The following ING5 variants were observed in gnomAD, a reference collection of about 807,000 sequenced individuals.
ING5 encodes inhibitor of growth family member 5.
Under a neutral mutation model 37.4 loss-of-function variants are expected in ING5, and 17 were observed. The observed-to-expected ratio is 0.45, with a 90% CI of 0.31 to 0.68. The LOEUF is 0.68. Ranked by LOEUF, ING5 falls within the 30% of genes least tolerant of loss-of-function variation. The pLI is 0.05. For synonymous variants in ING5, 123 were observed against 116.6 expected, an observed-to-expected ratio of 1.06 and a Z score of -0.36; for missense variants, 233 against 311.9, an observed-to-expected ratio of 0.75 and a Z score of 1.91.
At chr2:241,713,130 C>A (rs192173174) in intron 5 of ING5, among the ~76,000 whole-genome samples, 1 of 150,044 alleles carries the variant, frequency 6.7e-6, no homozygotes, top group Non-Finnish European at 1.5e-5. Context: ...CATCTCGGCT[C>A]ACTGCAACCT....
intron 1 of ING5, among the ~76,000 whole-genome samples, chr2:241,704,054 G>A (rs907067820): frequency 6.6e-6 from 1 of 152,148 alleles, no homozygotes; most frequent in African/African-American, 2.4e-5. Context: ...TGCTCACTGA[G>A]GGGGGGCAGC....
Position 241,725,463 on chromosome 2 carries a change from G to A in ING5, c.*432G>A. The A allele has an allele frequency of 6.4e-6, 1 of 155,362 alleles. No homozygotes were observed. The highest frequency in any genetic ancestry group is 6.5e-5 in the Admixed American group (1 of 15,306). The allele number at this position is 155,362 out of a possible 1,614,324, so 9.6% of individuals were successfully genotyped here. A position where few individuals can be genotyped will look rare whatever the true frequency, so the allele number is the denominator to read the frequency against. The stretch of plus-strand genomic sequence containing the variant: ...CCCGCCCGCTGGAGCACCTGCCACC[G>A]AGGCGCGCGTGGGGCCACTGCCGTG... On this transcript the variant is annotated 3_prime_UTR_variant, in exon 8 of 8. Coordinates refer to ENST00000313552, the MANE Select transcript of ING5 (RefSeq NM_032329.6).
intron 3 of ING5, among the ~76,000 whole-genome samples, chr2:241,710,392 T>G (rs888293100): frequency 3.3e-5 from 5 of 152,122 alleles, no homozygotes; most frequent in African/African-American, 4.8e-5. Context: ...AACCTCCACT[T>G]CCCAGGCTCA....
intron 1 of ING5, among the ~76,000 whole-genome samples, chr2:241,703,571 A>G (rs2069809808): frequency 7.1e-6 from 1 of 140,538 alleles, no homozygotes; most frequent in African/African-American, 2.7e-5. Flanking sequence ...TATGGCCACC[A>G]CTGTCTTGGG....
chr2:241,721,267 G>A (rs961249173), intron 5 of ING5: 1 of 985,386 alleles, frequency 1.0e-6, no homozygotes, highest in Admixed American at 6.1e-5. Flanking sequence ...TGTCAGAGGA[G>A]AGACCCGAAG....
intron 2 of ING5, among the ~76,000 whole-genome samples, chr2:241,705,564 A>T (rs2069885660): frequency 6.7e-6 from 1 of 148,752 alleles, no homozygotes; most frequent in Admixed American, 6.7e-5. Context: ...CACCCAGCTA[A>T]TTTTTTGTAT....
intron 5 of ING5, chr2:241,722,449 C>G: frequency 1.0e-6 from 1 of 985,376 alleles, no homozygotes; most frequent in Non-Finnish European, 1.2e-6. Context: ...TGGGGGCCCT[C>G]TGTGCCCCCA....
In ING5 at chr2:241,707,940, C is replaced by G. The variant is rs144367432; in HGVS notation, c.110-1276C>G. Among the ~76,000 whole-genome samples, 677 of 152,250 alleles carry G rather than the reference C, an allele frequency of 4.4e-3. 10 individuals are homozygous for G. Among genetic ancestry groups the G allele is most frequent in the African/African-American group, 0.016 (656 of 41,560 alleles). On this transcript the variant is annotated intron_variant, in intron 2 of 7. Transcript: ENST00000313552. The stretch of plus-strand genomic sequence containing the variant: ...CTGAGACGGAGTCTCGCTTTACCAT[C>G]AGGCTGGAGTGCAGTGGCACGGTCT...
chr2:241,702,050 G>A lies in ING5; in HGVS notation c.-16G>A. On this transcript the variant is annotated 5_prime_UTR_variant, in exon 1 of 8. Coordinates refer to ENST00000313552, the MANE Select transcript of ING5 (RefSeq NM_032329.6). The stretch of plus-strand genomic sequence containing the variant: ...CCGCCCGCCCGCGCAGACCCCGAGC[G>A]CGGCCGCGGACGAAGATGGCGACCG... The A allele has an allele frequency of 7.2e-7, 1 of 1,383,668 alleles. No individual in the cohort carries two copies. Among genetic ancestry groups the A allele is most frequent in the Non-Finnish European group, 9.4e-7 (1 of 1,064,048 alleles). 85.7% of individuals were successfully genotyped at this position (1,383,668 alleles called of 1,614,324 possible). A position where few individuals can be genotyped will look rare whatever the true frequency, so the allele number is the denominator to read the frequency against.
chr2:241,699,038 T>G (rs4675894), upstream of ING5, among the ~76,000 whole-genome samples: 58,091 of 139,256 alleles, frequency 0.42, 12,507 homozygotes, highest in Middle Eastern at 0.5. Flanking sequence ...AATTTTTTTT[T>G]GGGGGGGGAG....
upstream of ING5, chr2:241,701,950 G>A: frequency 1.7e-6 from 1 of 571,810 alleles, no homozygotes; most frequent in Admixed American, 4.7e-5. Flanking sequence ...CCCGCCCCCG[G>A]GCGCGACCAA....
At chr2:241,706,716 C>T (rs1319869616) in intron 2 of ING5, among the ~76,000 whole-genome samples, 2 of 151,710 alleles carry the variant, frequency 1.3e-5, no homozygotes, top group African/African-American at 4.8e-5. Context: ...TCATACTCAG[C>T]TGATAGTTTG....
At position 241,710,633 on chromosome 2, in the gene ING5, C is replaced by T. The variant is rs141586369; in HGVS notation, c.277-744C>T. Among the ~76,000 whole-genome samples the T allele has an allele frequency of 2.0e-3, 308 of 152,260 alleles. 1 individual carries two copies. Among genetic ancestry groups the T allele is most frequent in the African/African-American group, 7.1e-3 (293 of 41,556 alleles). ...CTGAGTAGCTGGGATTACAGGCATG[C>T]GCCACCAAGCCCGGCTAATTTTGTA... On this transcript the variant is annotated intron_variant, in intron 3 of 7. Transcript: ENST00000313552.
intron 5 of ING5, chr2:241,719,800 G>T: frequency 6.9e-7 from 1 of 1,439,552 alleles, no homozygotes; most frequent in Non-Finnish European, 9.1e-7. Flanking sequence ...TGTCCTGACA[G>T]TGCGCTGACC....
Position 241,692,011 on chromosome 2 carries a change from GC to G in ING5, c.43+1359del, listed in dbSNP as rs1430403598. ...TGCAGTGAGCCATGGTTGCGCCACTGCACTCCAGCCCAGGTGACAGAGTGAG... is the reference window on the plus strand; with the variant it reads ...TGCAGTGAGCCATGGTTGCGCCACTGACTCCAGCCCAGGTGACAGAGTGAG... On this transcript the variant is annotated intron_variant, in intron 2 of 7. Coordinates refer to the ING5 transcript ENST00000636051. 8.5e-5 allele frequency among the ~76,000 whole-genome samples: 13 copies of G among 152,130 alleles called. No individual in the cohort carries two copies. In the South Asian group the frequency reaches 1.2e-3, roughly 15 times the overall value.
At chr2:241,724,737 C>G in intron 7 of ING5, 1 of 549,020 alleles carries the variant, frequency 1.8e-6, no homozygotes, top group African/African-American at 2.0e-5. Flanking sequence ...TAAGGAGGAA[C>G]GCCTGGGTGT....
intron 5 of ING5, among the ~76,000 whole-genome samples, chr2:241,712,887 G>C (rs1306248991): frequency 6.6e-6 from 1 of 151,946 alleles, no homozygotes; most frequent in African/African-American, 2.4e-5. Flanking sequence ...AATTAGCTGA[G>C]GGTGGTGGTG....
intron 2 of ING5, chr2:241,694,035 T>C (rs992789297): frequency 3.3e-5 from 5 of 151,846 alleles, no homozygotes; most frequent in East Asian, 1.9e-4. Flanking sequence ...AGAAGACAAA[T>C]TGATCTCTGG....
intron 5 of ING5, chr2:241,720,856 C>G (rs1017521078): frequency 5.7e-5 from 56 of 985,652 alleles, no homozygotes; most frequent in Non-Finnish European, 6.6e-5. Context: ...TAGCAGCACT[C>G]CCTGGCCACA....
Sources: gnomAD v4.1 joint callset for allele counts (sites outside exome capture counted in the v4.1 genomes callset) on GRCh38, gnomAD v4.1.1 for gene constraint, MANE v1.5 for transcripts, NCBI Gene and HGNC (gene_info 2026-07-23, HGNC 2026-07-21) for gene names.